Variants in DSCAML1 observed in about 807,000 individuals in gnomAD.
DSCAML1 encodes cell adhesion molecule DSCAML1.
A neutral mutation model predicts 200.5 loss-of-function variants in DSCAML1; 38 were observed. The observed-to-expected ratio is 0.19, with a 90% confidence interval of 0.15 to 0.25. The LOEUF is 0.25. DSCAML1 is among the 10% of genes least tolerant of loss of function. The probability of loss-of-function intolerance (pLI) is 1.00; values close to 1 mark genes in which losing one functional copy is unlikely to be tolerated. For synonymous variants in DSCAML1, 1,215 were observed against 1,165.0 expected (o/e 1.04, Z -0.87); for missense variants, 2,223 against 2,858.8 (o/e 0.78, Z 5.07).
At chr11:117,580,215 CTGTGA>C (rs1341849826) in intron 3 of DSCAML1, among the ~76,000 whole-genome samples, 2 of 152,186 alleles carry the variant, frequency 1.3e-5, no homozygotes, top group Admixed American at 6.5e-5. Flanking sequence ...ATGGTTGGTT[CTGTGA>C]CTCATACTTC....
intron 8 of DSCAML1, among the ~76,000 whole-genome samples, chr11:117,513,873 G>A (rs2049700720): frequency 6.6e-6 from 1 of 152,246 alleles, no homozygotes; most frequent in Non-Finnish European, 1.5e-5. Context: ...TGGGTGTTGG[G>A]CACACAGGCT....
chr11:117,486,911 C>CTTTTTTTTTTTTTTTTTTTT (rs56805170), intron 11 of DSCAML1, among the ~76,000 whole-genome samples: 1 of 79,622 alleles, frequency 1.3e-5, no homozygotes, highest in Admixed American at 1.5e-4. Context: ...TGTAAAATAC[C>CTTTTTTTTTTTTTTTTTTTT]TTTTTTTTTT....
At chr11:117,739,784 T>C (rs1160044556) in intron 3 of DSCAML1, among the ~76,000 whole-genome samples, 1 of 150,192 alleles carries the variant, frequency 6.7e-6, no homozygotes, top group Non-Finnish European at 1.5e-5. Context: ...AGGTCTCACA[T>C]GGTAGCTGCA....
At chr11:117,531,038 C>T (rs1188046490) in intron 4 of DSCAML1, among the ~76,000 whole-genome samples, 2 of 152,242 alleles carry the variant, frequency 1.3e-5, no homozygotes, top group Non-Finnish European at 1.5e-5. Flanking sequence ...AATTCCAGAG[C>T]GCCTTGCAAC....
intron 19 of DSCAML1, among the ~76,000 whole-genome samples, chr11:117,455,121 C>T (rs950757200): frequency 1.3e-5 from 2 of 152,212 alleles, no homozygotes; most frequent in Admixed American, 6.5e-5. Context: ...TTTATGATGC[C>T]TTCAACAGGT....
chr11:117,512,637 C>CGTGT (rs139663144), intron 8 of DSCAML1, among the ~76,000 whole-genome samples: 4 of 140,448 alleles, frequency 2.8e-5, no homozygotes, highest in African/African-American at 5.3e-5. Context: ...TGCATGCAAG[C>CGTGT]GTGTGTACAC....
intron 3 of DSCAML1, among the ~76,000 whole-genome samples, chr11:117,676,292 G>A (rs1460584737): frequency 1.3e-5 from 2 of 152,170 alleles, no homozygotes; most frequent in Non-Finnish European, 2.9e-5. Flanking sequence ...GTTCTGACAT[G>A]TTCCAGACCT....
chr11:117,678,360 T>C (rs1372693250), intron 3 of DSCAML1, among the ~76,000 whole-genome samples: 1 of 152,200 alleles, frequency 6.6e-6, no homozygotes, highest in Non-Finnish European at 1.5e-5. Flanking sequence ...TGAACAAGTA[T>C]TTACTGAGTG....
intron 3 of DSCAML1, among the ~76,000 whole-genome samples, chr11:117,723,380 C>T (rs2054071924): frequency 6.6e-6 from 1 of 152,182 alleles, no homozygotes; most frequent in Admixed American, 6.5e-5. Flanking sequence ...CCAAATACTC[C>T]TTATTGGATA....
chr11:117,619,314 C>T (rs1480100420), intron 3 of DSCAML1, among the ~76,000 whole-genome samples: 1 of 152,224 alleles, frequency 6.6e-6, no homozygotes, highest in African/African-American at 2.4e-5. Flanking sequence ...GGCTATTGGC[C>T]TGGGGCACCC....
chr11:117,739,116 A>T (rs1195066419), intron 3 of DSCAML1, among the ~76,000 whole-genome samples: 1 of 152,208 alleles, frequency 6.6e-6, no homozygotes, highest in Non-Finnish European at 1.5e-5. Flanking sequence ...AAAGGTTTCC[A>T]TTGCCAATTG....
At chr11:117,557,424 C>T (rs979850467) in intron 3 of DSCAML1, among the ~76,000 whole-genome samples, 2 of 152,180 alleles carry the variant, frequency 1.3e-5, no homozygotes, top group African/African-American at 4.8e-5. Context: ...CCCTCCTGAC[C>T]ACCGTCCCTG....
At chr11:117,577,768 T>A (rs1052766475) in intron 3 of DSCAML1, among the ~76,000 whole-genome samples, 2 of 148,202 alleles carry the variant, frequency 1.3e-5, no homozygotes, top group Non-Finnish European at 3.0e-5. Flanking sequence ...GGTTTCACCA[T>A]GTTGGTCAGG....
chr11:117,659,719 A>ATT (rs35180954), intron 3 of DSCAML1, among the ~76,000 whole-genome samples: 9 of 145,514 alleles, frequency 6.2e-5, no homozygotes, highest in South Asian at 2.2e-4. Context: ...TGCCTCACAC[A>ATT]TTTTTTTTTT....
chr11:117,561,454 A>G (rs1041827178), intron 3 of DSCAML1, among the ~76,000 whole-genome samples: 1 of 152,200 alleles, frequency 6.6e-6, no homozygotes, highest in Non-Finnish European at 1.5e-5. Context: ...CTGTGCGGCT[A>G]TGGGGATGAA....
chr11:117,694,192 C>G (rs2053547291), intron 3 of DSCAML1, among the ~76,000 whole-genome samples: 1 of 151,460 alleles, frequency 6.6e-6, no homozygotes, highest in South Asian at 2.1e-4. Context: ...CACTTGAGGT[C>G]AGGAGTTCGA....
rs373510852 is a variant in DSCAML1 at position 117,430,984 on chromosome 11, G to A, written c.5424C>T (p.Tyr1808=). ...GCTCATAGGCCCGGGCCAGCTCCTCGTAGGTGGAAGAGGCACTCTCAGTGG... is the reference window on the plus strand; with the variant it reads ...GCTCATAGGCCCGGGCCAGCTCCTCATAGGTGGAAGAGGCACTCTCAGTGG... ...MVSTESASST[Y]EELARAYEHA... Residue 1808 remains tyrosine (Y), a synonymous_variant, in exon 32 of 33, where the codon TAC becomes TAT. Transcript: ENST00000651296. 450 of 1,614,000 alleles carry A rather than the reference G, an allele frequency of 2.8e-4. No individual in the cohort carries two copies. Among genetic ancestry groups the A allele is most frequent in the Non-Finnish European group, 3.3e-4 (389 of 1,180,036 alleles).
Position 117,660,804 on chromosome 11 carries a change from C to T in DSCAML1, c.511+115987G>A, listed in dbSNP as rs139670631. Among the ~76,000 whole-genome samples the T allele has an allele frequency of 3.5e-3, 540 of 152,244 alleles. 10 individuals are homozygous for T. The highest frequency in any genetic ancestry group is 0.029 in the East Asian group (150 of 5,174). On this transcript the variant is annotated intron_variant, in intron 3 of 32. Coordinates refer to ENST00000651296, the MANE Select transcript of DSCAML1 (RefSeq NM_020693.4). ...ACATCGATGCAGGAATGGGTGTCCT[C>T]TAGCTTAGCTCAGGCACAGAGTGAG...
chr11:117,607,624 C>T (rs906039289), intron 3 of DSCAML1, among the ~76,000 whole-genome samples: 1 of 152,220 alleles, frequency 6.6e-6, no homozygotes, highest in African/African-American at 2.4e-5. Flanking sequence ...CCAGTGAAGG[C>T]TGAGGCAGGG....
Sources: allele counts gnomAD v4.1 joint callset (sites outside exome capture counted in the v4.1 genomes callset), GRCh38; gene constraint gnomAD v4.1.1; transcripts MANE v1.5; gene names NCBI Gene and HGNC (gene_info 2026-07-23, HGNC 2026-07-21).